ARHGDIB: variants seen among roughly 807,000 people sequenced by gnomAD.
The protein encoded by ARHGDIB is Rho GDP dissociation inhibitor beta.
In ARHGDIB, 20 loss-of-function variants were observed where a neutral mutation model predicts 22.6. The observed-to-expected ratio is 0.88, with a 90% confidence interval of 0.62 to 1.28. The LOEUF (loss-of-function observed/expected upper bound fraction) is 1.28. ARHGDIB is among the 50% of genes most tolerant of loss of function. ARHGDIB has a pLI of 0.00. For synonymous variants in ARHGDIB, 114 were observed against 96.1 expected (o/e 1.19, Z -1.09); for missense variants, 254 against 245.4 (o/e 1.04, Z -0.23).
chr12:14,949,967 G>A, intron 2 of ARHGDIB, 82 bp from the exon 3 acceptor site: 3 of 1,218,382 alleles, frequency 2.5e-6, no homozygotes, highest in Non-Finnish European at 3.5e-6. Context: ...GAGACAGAGA[G>A]TATGAAAATA....
intron 1 of ARHGDIB, among the ~76,000 whole-genome samples, chr12:14,959,006 A>C (rs1864356245): frequency 6.6e-6 from 1 of 152,200 alleles, no homozygotes; most frequent in African/African-American, 2.4e-5. Context: ...AATTTCTTCC[A>C]TGTGATTCTT....
At chr12:14,957,640 G>A (rs746311296) in intron 1 of ARHGDIB, among the ~76,000 whole-genome samples, 3 of 152,132 alleles carry the variant, frequency 2.0e-5, no homozygotes, top group South Asian at 4.1e-4. Context: ...GTCACTCTGC[G>A]AATGATGAGA....
At chr12:14,943,584 T>A (rs1300569788) in intron 5 of ARHGDIB, among the ~76,000 whole-genome samples, 2 of 152,132 alleles carry the variant, frequency 1.3e-5, no homozygotes, top group African/African-American at 4.8e-5. Context: ...TCTATGAACA[T>A]ATCAGTTGGG....
At chr12:14,947,126 T>G (rs567932031) in intron 4 of ARHGDIB, among the ~76,000 whole-genome samples, 1 of 152,330 alleles carries the variant, frequency 6.6e-6, no homozygotes, top group African/African-American at 2.4e-5. Context: ...AGACTGAGGC[T>G]AAGTGGGAAT....
rs1863889253 is a variant in ARHGDIB, at chr12:14,942,533, A to G, written c.595T>C (p.Trp199Arg). 1 of 1,613,672 alleles carries G rather than the reference A, an allele frequency of 6.2e-7. No homozygotes were observed. The highest frequency in any genetic ancestry group is 8.5e-7 in the Non-Finnish European group (1 of 1,179,888). ...AGGGGTGGATGCATTCATTCTGTCC[A>G]CTCCTTCTTAATCGACAGGTTCCAC... ...WEWNLSIKKE[W>R]TE The change falls in exon 6 of 6, where the codon TGG becomes CGG. Residue 199 changes from tryptophan to arginine, a missense_variant. Trp to Arg is a moderately radical substitution (Grantham distance 101). Coordinates refer to ENST00000228945, the MANE Select transcript of ARHGDIB (RefSeq NM_001175.7).
intron 1 of ARHGDIB, among the ~76,000 whole-genome samples, chr12:14,953,930 CT>C (rs1864242031): frequency 7.2e-6 from 1 of 138,864 alleles, no homozygotes. Flanking sequence ...CCCTTCTTTC[CT>C]TCCTTCCTTC....
chr12:14,954,978 T>A (rs970365122), intron 1 of ARHGDIB, among the ~76,000 whole-genome samples: 1 of 152,190 alleles, frequency 6.6e-6, no homozygotes, highest in African/African-American at 2.4e-5. Context: ...AAAAGGAAAT[T>A]TAAAAATTAA....
chr12:14,947,400 G>A (rs1261507671), intron 4 of ARHGDIB, among the ~76,000 whole-genome samples: 1 of 152,168 alleles, frequency 6.6e-6, no homozygotes, highest in Non-Finnish European at 1.5e-5. Flanking sequence ...AATTAGAGCT[G>A]AGGCCCTGTC....
chr12:14,956,744 C>G (rs575143504), intron 1 of ARHGDIB, among the ~76,000 whole-genome samples: 5 of 152,308 alleles, frequency 3.3e-5, no homozygotes, highest in African/African-American at 1.2e-4. Flanking sequence ...GATTAACTTT[C>G]ACATTGGAGG....
At chr12:14,960,389 A>G (rs955309217) in intron 1 of ARHGDIB, among the ~76,000 whole-genome samples, 1 of 152,236 alleles carries the variant, frequency 6.6e-6, no homozygotes, top group Non-Finnish European at 1.5e-5. Flanking sequence ...CCCACTGATC[A>G]GCTGTCCTAG....
intron 1 of ARHGDIB, among the ~76,000 whole-genome samples, chr12:14,955,225 G>T (rs1035578278): frequency 6.6e-6 from 1 of 152,034 alleles, no homozygotes; most frequent in Non-Finnish European, 1.5e-5. Flanking sequence ...AATGTTGTGA[G>T]GTAGGCACAA....
At chr12:14,953,824 TC>T (rs1435379924) in intron 1 of ARHGDIB, among the ~76,000 whole-genome samples, 1 of 149,250 alleles carries the variant, frequency 6.7e-6, no homozygotes, top group African/African-American at 2.6e-5. Flanking sequence ...GCTTGCTCTC[TC>T]TCTCTCTCTC....
At chr12:14,950,902 A>G in intron 1 of ARHGDIB, 178 bp from the exon 2 acceptor site, 1 of 527,846 alleles carries the variant, frequency 1.9e-6, no homozygotes, top group South Asian at 3.1e-5. Flanking sequence ...AATGTATTCT[A>G]GTAATTTCTC....
chr12:14,947,521 G>A (rs936808592), intron 4 of ARHGDIB, among the ~76,000 whole-genome samples: 5 of 152,236 alleles, frequency 3.3e-5, no homozygotes, highest in African/African-American at 1.2e-4. Flanking sequence ...AAGGAGAGAT[G>A]TACAATTTCA....
intron 1 of ARHGDIB, chr12:14,950,958 C>T: frequency 3.0e-6 from 1 of 336,832 alleles, no homozygotes; most frequent in Non-Finnish European, 5.4e-6. Flanking sequence ...CTTCTATTCA[C>T]TGAACAAAAC....
At chr12:14,949,572 A>G (rs923097368) in intron 3 of ARHGDIB, among the ~76,000 whole-genome samples, 1 of 152,222 alleles carries the variant, frequency 6.6e-6, no homozygotes, top group African/African-American at 2.4e-5. Context: ...ATCTGTAAAT[A>G]TATCAAATGT....
chr12:14,955,758 T>A (rs200880590), intron 1 of ARHGDIB, among the ~76,000 whole-genome samples: 2 of 152,338 alleles, frequency 1.3e-5, no homozygotes, highest in East Asian at 3.9e-4. Flanking sequence ...CAAACAACAA[T>A]TTTCTCTTTT....
chr12:14,945,510 T>A (rs545244987), intron 4 of ARHGDIB, among the ~76,000 whole-genome samples: 1 of 152,258 alleles, frequency 6.6e-6, no homozygotes, highest in African/African-American at 2.4e-5. Context: ...CCAAGAACTT[T>A]GTTTTTCCAT....
intron 4 of ARHGDIB, among the ~76,000 whole-genome samples, chr12:14,946,824 T>C (rs1360259393): frequency 1.3e-5 from 2 of 152,214 alleles, no homozygotes; most frequent in South Asian, 2.1e-4. Flanking sequence ...AAAATGAAAC[T>C]GATGTGCAAC....
Sources: gnomAD v4.1 joint callset for allele counts (sites outside exome capture counted in the v4.1 genomes callset) on GRCh38, gnomAD v4.1.1 for gene constraint, MANE v1.5 for transcripts, NCBI Gene and HGNC (gene_info 2026-07-23, HGNC 2026-07-21) for gene names.